The following SYNE2 variants were observed in gnomAD, a reference collection of about 807,000 sequenced individuals.
SYNE2 encodes nesprin-2.
Under a neutral mutation model 856.3 loss-of-function variants are expected in SYNE2, and 431 were observed. The observed-to-expected ratio is 0.50, with a 90% CI of 0.47 to 0.55. The LOEUF is 0.55. Among genes scored for constraint, SYNE2 ranks in the 20% least tolerant of loss-of-function variants. SYNE2 has a pLI of 0.00. For missense variants in SYNE2, 8,129 were observed against 8,023.2 expected, an observed-to-expected ratio of 1.01 and a Z score of -0.50; for synonymous variants, 2,923 against 2,872.3, an observed-to-expected ratio of 1.02 and a Z score of -0.56.
chr14:64,159,573 T>C, intron 87 of SYNE2, 131 bp downstream of exon 87: 2 of 1,050,762 alleles, frequency 1.9e-6, no homozygotes, highest in South Asian at 2.7e-5. Flanking sequence ...TCTGGTCTCT[T>C]CTGCTTTGAT....
At chr14:64,113,644 TA>T in intron 66 of SYNE2, 73 bp downstream of exon 66, 1 of 1,452,336 alleles carries the variant, frequency 6.9e-7, no homozygotes, top group South Asian at 1.2e-5. Flanking sequence ...GAATTTCTCT[TA>T]AAGCAACACT....
Position 64,121,957 on chromosome 14 carries a change from G to C in SYNE2, c.13159-55G>C, listed in dbSNP as rs552926672. The C allele has an allele frequency of 1.9e-4, 305 of 1,608,992 alleles. 4 individuals are homozygous for C. The South Asian group carries it at 3.3e-3, about 17-fold the overall frequency. ...TTTATCTCAGCAGAGGAAACTAGTG[G>C]GTACTAATCGAAAAGCTTGATGGAT... On this transcript the variant is annotated intron_variant, in intron 68 of 115. Coordinates refer to ENST00000555002, the MANE Select transcript of SYNE2 (RefSeq NM_182914.3).
At position 63,944,824 on chromosome 14, in the gene SYNE2, C is replaced by CTTTTTTTTTTTTTT. The variant is rs55906748; in HGVS notation, c.408+2693_408+2706dup. ...GTGAGCCACCGTGCTGGGCTTAAAG[C>CTTTTTTTTTTTTTT]TTTTTTTTTTTTTTTTTTTTTTTTT... On this transcript the variant is annotated intron_variant, in intron 6 of 115. Coordinates refer to ENST00000555002, the MANE Select transcript of SYNE2 (RefSeq NM_182914.3). Among the ~76,000 whole-genome samples, 29 of 46,948 alleles carry CTTTTTTTTTTTTTT rather than the reference C, an allele frequency of 6.2e-4. 4 individuals carry two copies. Among genetic ancestry groups the CTTTTTTTTTTTTTT allele is most frequent in the African/African-American group, 2.9e-3 (28 of 9,788 alleles). 30.8% of individuals were successfully genotyped at this position (46,948 alleles called of 152,430 possible). A position where few individuals can be genotyped will look rare whatever the true frequency, so the allele number is the denominator to read the frequency against.
rs1423507946 is a variant in SYNE2, at chr14:63,961,294, A to G, written c.788-231A>G. ...TTATTAGAAAACGGAGACTGTGCAC[A>G]TACTAGTGCCAGGATTTAACCCAGA... On this transcript the variant is annotated intron_variant, in intron 8 of 115. Transcript: ENST00000555002. Among the ~76,000 whole-genome samples, 8 of 152,352 alleles carry G rather than the reference A, an allele frequency of 5.3e-5. No homozygotes were observed. The South Asian group carries it at 8.3e-4, about 16-fold the overall frequency.
intron 6 of SYNE2, among the ~76,000 whole-genome samples, chr14:63,949,606 G>A (rs1320104267): frequency 6.6e-6 from 1 of 152,162 alleles, no homozygotes; most frequent in East Asian, 1.9e-4. Context: ...AGCATGCCTG[G>A]GTGAGGGTAA....
rs79485271 is a variant in SYNE2, at chr14:64,133,759, G to T, written c.14515-310G>T. ...GTGGCTCCAAGGTCTCTACGGAGTT[G>T]CTAAGAGTATCATTTTAACTTCATT... On this transcript the variant is annotated intron_variant, in intron 77 of 115. Transcript: ENST00000555002. 4.1e-3 allele frequency among the ~76,000 whole-genome samples: 620 copies of T among 152,288 alleles called. 1 individual carries two copies. Among genetic ancestry groups the T allele is most frequent in the Non-Finnish European group, 5.7e-3 (391 of 68,020 alleles).
At chr14:64,089,761 A>G in intron 59 of SYNE2, 65 bp downstream of exon 59, 1 of 1,326,078 alleles carries the variant, frequency 7.5e-7, no homozygotes, top group Non-Finnish European at 1.1e-6. Flanking sequence ...TCAAAATATA[A>G]TATAATGTGA....
chr14:63,799,999 C>T lies in SYNE2; in HGVS notation c.-305+38013C>T, dbSNP rs185024040. Among the ~76,000 whole-genome samples the T allele has an allele frequency of 1.0e-3, 156 of 152,226 alleles. 1 individual carries two copies. The highest frequency in any genetic ancestry group is 3.5e-3 in the African/African-American group (147 of 41,542). Reference sequence around the variant, plus strand: ...TGAAGATTTGGCAAGAAGATCTAGACGCATCCAAAGTCTCCTAGAGAATGA... The same window carrying T: ...TGAAGATTTGGCAAGAAGATCTAGATGCATCCAAAGTCTCCTAGAGAATGA... On this transcript the variant is annotated intron_variant, in intron 1 of 23. Transcript: ENST00000674003.
At chr14:64,213,275 C>T (rs1488561793) in intron 105 of SYNE2, among the ~76,000 whole-genome samples, 1 of 152,184 alleles carries the variant, frequency 6.6e-6, no homozygotes, top group East Asian at 1.9e-4. Context: ...CAGGGCTGGG[C>T]TTGTCTGGCA....
rs1567653417 is a variant in SYNE2 at position 64,210,121 on chromosome 14, CAG to C, written c.18721_18722del (p.Arg6241AlafsTer10). On this transcript the variant is annotated frameshift_variant and splice_region_variant, in exon 103 of 116. Coordinates refer to ENST00000555002, the MANE Select transcript of SYNE2 (RefSeq NM_182914.3). LOFTEE classifies it high-confidence loss of function. ...GGGTCACAGCCGTCCTGCGGAGACT[CAG>C]GGTGAGCTCCTCTGCACCTGGCTCG... ...RRVTAVLRRL[R>X]HFTNQREEFE... 1 of 1,613,386 alleles carries C rather than the reference CAG, an allele frequency of 6.2e-7. No individual in the cohort carries two copies. The highest frequency in any genetic ancestry group is 1.1e-5 in the South Asian group (1 of 91,054).
intron 1 of SYNE2, among the ~76,000 whole-genome samples, chr14:63,893,742 A>C (rs1158718704): frequency 6.6e-6 from 1 of 152,220 alleles, no homozygotes; most frequent in Non-Finnish European, 1.5e-5. Flanking sequence ...AATCTGAAGA[A>C]TCTGTTTCAC....
chr14:63,979,032 G>A lies in SYNE2; in HGVS notation c.1569+18G>A. 6.2e-7 allele frequency: 1 copy of A among 1,612,540 alleles called. No individual in the cohort carries two copies. ...ACTGGCATGTAAGCTTTTCAATTTT[G>A]TGTCTTAGGCAACTCCTCCATCTCT... On this transcript the variant is annotated intron_variant, in intron 14 of 115. Coordinates refer to ENST00000555002, the MANE Select transcript of SYNE2 (RefSeq NM_182914.3).
At chr14:63,782,732 A>T (rs1887364165) in intron 1 of SYNE2, among the ~76,000 whole-genome samples, 1 of 151,992 alleles carries the variant, frequency 6.6e-6, no homozygotes, top group Admixed American at 6.6e-5. Context: ...TGGTAAAGTG[A>T]AATATTATTA....
intron 79 of SYNE2, among the ~76,000 whole-genome samples, chr14:64,138,616 C>T (rs2098114925): frequency 6.6e-6 from 1 of 151,902 alleles, no homozygotes; most frequent in African/African-American, 2.4e-5. Context: ...TTGCTCTTTC[C>T]AAAAGTTTTA....
intron 2 of SYNE2, among the ~76,000 whole-genome samples, chr14:63,915,216 A>G (rs996541540): frequency 4.6e-5 from 7 of 152,256 alleles, no homozygotes; most frequent in Non-Finnish European, 8.8e-5. Flanking sequence ...TCTCAGGTAT[A>G]GAAAGATTAA....
chr14:63,950,005 A>G lies in SYNE2; in HGVS notation c.589A>G (p.Thr197Ala), dbSNP rs1209168203. The G allele has an allele frequency of 1.2e-6, 2 of 1,613,956 alleles. No individual in the cohort carries two copies. Among genetic ancestry groups the G allele is most frequent in the Admixed American group, 1.7e-5 (1 of 59,990 alleles). The change falls in exon 7 of 116, where the codon ACC (threonine) becomes GCC (alanine). Residue 197 changes from threonine (T) to alanine (A), a missense_variant and splice_region_variant. This residue lies in a region of SYNE2 where 2,422 missense variants were observed against 2,357.4 expected (regional missense o/e 1.03). Coordinates refer to ENST00000555002, the MANE Select transcript of SYNE2 (RefSeq NM_182914.3). ...LLLWAQEQCA[T>A]YESVNVTDFK... The stretch of plus-strand genomic sequence containing the variant: ...TTTGTGGGCTCAGGAACAATGCGCC[A>G]CGTAAGTAGTTTGCTATGACCCTAA...
intron 2 of SYNE2, among the ~76,000 whole-genome samples, chr14:63,929,998 G>C (rs2095726701): frequency 6.6e-6 from 1 of 152,092 alleles, no homozygotes; most frequent in Non-Finnish European, 1.5e-5. Context: ...AATACAATGA[G>C]ATGGGGTCAG....
intron 43 of SYNE2, among the ~76,000 whole-genome samples, chr14:64,028,399 G>C (rs950921894): frequency 5.9e-5 from 9 of 152,048 alleles, no homozygotes; most frequent in Admixed American, 5.9e-4. Context: ...AGGACTACAG[G>C]CATGCGCCAC....
At chr14:64,147,045 C>T (rs1019859962) in intron 84 of SYNE2, among the ~76,000 whole-genome samples, 3 of 152,226 alleles carry the variant, frequency 2.0e-5, no homozygotes, top group Admixed American at 2.0e-4. Flanking sequence ...AGCCTTCTGA[C>T]AGCCACCTTG....
Sources: allele counts gnomAD v4.1 joint callset (sites outside exome capture counted in the v4.1 genomes callset), GRCh38; gene constraint gnomAD v4.1.1; regional missense constraint gnomAD v4.1.1; transcripts MANE v1.5; gene names NCBI Gene and HGNC (gene_info 2026-07-23, HGNC 2026-07-21).